The following TNIK variants were observed in gnomAD, a reference collection of about 807,000 sequenced individuals.
TNIK encodes the protein TRAF2 and NCK-interacting protein kinase.
A neutral mutation model predicts 191.3 loss-of-function variants in TNIK; 49 were observed. The observed-to-expected ratio is 0.26, with a 90% confidence interval of 0.20 to 0.32. The LOEUF is 0.32. Among genes scored for constraint, TNIK ranks in the 10% least tolerant of loss-of-function variants. TNIK has a pLI of 1.00. For missense variants in TNIK, 1,155 were observed against 1,702.3 expected (o/e 0.68, Z 5.66); for synonymous variants, 594 against 600.9 (o/e 0.99, Z 0.17).
intron 8 of TNIK, among the ~76,000 whole-genome samples, chr3:171,175,954 G>T (rs995319788): frequency 2.0e-5 from 3 of 152,118 alleles, no homozygotes; most frequent in Admixed American, 2.0e-4. Flanking sequence ...ACAGAGTCTG[G>T]CAGAAAAACA....
chr3:171,230,583 C>G (rs1044848786), intron 2 of TNIK, among the ~76,000 whole-genome samples: 1 of 152,060 alleles, frequency 6.6e-6, no homozygotes, highest in African/African-American at 2.4e-5. Flanking sequence ...AAACTGTTTG[C>G]GCTTCTGTAA....
At position 171,097,790 on chromosome 3, in the gene TNIK, A is replaced by G. The variant is rs939009137; in HGVS notation, c.2591+3659T>C. Among the ~76,000 whole-genome samples, 7 of 152,324 alleles carry G rather than the reference A, an allele frequency of 4.6e-5. No homozygotes were observed. In the South Asian group the frequency reaches 1.2e-3, roughly 27 times the overall value. On this transcript the variant is annotated intron_variant, in intron 22 of 32. Coordinates refer to ENST00000436636, the MANE Select transcript of TNIK (RefSeq NM_015028.4). ...CAGTACGAAAATGGACTAATACAGT[A>G]GTTGATGGCAGAAGCCAGGTTTCTG...
intron 12 of TNIK, among the ~76,000 whole-genome samples, chr3:171,148,025 T>C (rs1228073540): frequency 6.6e-6 from 1 of 151,764 alleles, no homozygotes; most frequent in Non-Finnish European, 1.5e-5. Flanking sequence ...TTCTCAGAAA[T>C]AGTAATCAGA....
At chr3:171,130,583 A>G (rs1389735458) in intron 15 of TNIK, among the ~76,000 whole-genome samples, 1 of 152,244 alleles carries the variant, frequency 6.6e-6, no homozygotes, top group Non-Finnish European at 1.5e-5. Context: ...ACAAAGAAGA[A>G]AAAGTCCCAC....
At chr3:171,178,438 C>T (rs985725591) in intron 7 of TNIK, among the ~76,000 whole-genome samples, 26 of 150,284 alleles carry the variant, frequency 1.7e-4, no homozygotes, top group Non-Finnish European at 2.5e-4. Flanking sequence ...TAGTATGTAA[C>T]AATAGAGGCC....
At chr3:171,383,420 C>T (rs556748976) in intron 1 of TNIK, among the ~76,000 whole-genome samples, 5 of 152,264 alleles carry the variant, frequency 3.3e-5, no homozygotes, top group East Asian at 1.9e-4. Context: ...AATTGGGCAA[C>T]GTTCTCTGAC....
intron 9 of TNIK, among the ~76,000 whole-genome samples, chr3:171,173,630 A>C (rs1735610676): frequency 6.6e-6 from 1 of 152,164 alleles, no homozygotes; most frequent in South Asian, 2.1e-4. Flanking sequence ...GCCAATTAAT[A>C]CACATATTTT....
chr3:171,427,222 C>T (rs1724760480), intron 1 of TNIK, among the ~76,000 whole-genome samples: 1 of 152,126 alleles, frequency 6.6e-6, no homozygotes, highest in Non-Finnish European at 1.5e-5. Flanking sequence ...CCAGTCAGCT[C>T]CTCTCCATCT....
intron 1 of TNIK, among the ~76,000 whole-genome samples, chr3:171,390,420 A>G (rs186405341): frequency 9.8e-4 from 150 of 152,342 alleles, no homozygotes; most frequent in South Asian, 1.9e-3. Flanking sequence ...CTCTGGTTGC[A>G]GTAACCACCT....
At chr3:171,067,569 C>T (rs1718612381) in intron 30 of TNIK, among the ~76,000 whole-genome samples, 1 of 150,864 alleles carries the variant, frequency 6.6e-6, no homozygotes, top group Non-Finnish European at 1.5e-5. Flanking sequence ...ACTCGGGAGG[C>T]TGAGGCAGGA....
intron 22 of TNIK, among the ~76,000 whole-genome samples, chr3:171,094,980 C>G (rs1260847143): frequency 6.6e-6 from 1 of 152,146 alleles, no homozygotes; most frequent in African/African-American, 2.4e-5. Flanking sequence ...TTATTAGATC[C>G]ATGGGCTTTA....
chr3:171,238,451 C>G (rs901699095), intron 2 of TNIK, among the ~76,000 whole-genome samples: 1 of 151,836 alleles, frequency 6.6e-6, no homozygotes, highest in Non-Finnish European at 1.5e-5. Context: ...CCCTCTCAAA[C>G]CCTTTAAAAC....
chr3:171,370,426 A>G (rs1716330431), intron 1 of TNIK, among the ~76,000 whole-genome samples: 1 of 152,238 alleles, frequency 6.6e-6, no homozygotes, highest in South Asian at 2.1e-4. Context: ...ATCCAAAATT[A>G]CTGCTATTAT....
At chr3:171,281,035 G>A (rs1750364546) in intron 2 of TNIK, among the ~76,000 whole-genome samples, 1 of 152,092 alleles carries the variant, frequency 6.6e-6, no homozygotes, top group African/African-American at 2.4e-5. Flanking sequence ...AGAAGCTAAG[G>A]AATAATCATG....
chr3:171,459,919 TGCCCCAGCCCCA>T, intron 1 of TNIK, 76 bp downstream of exon 1: 1 of 497,260 alleles, frequency 2.0e-6, no homozygotes, highest in Non-Finnish European at 3.9e-6. Context: ...GCTGTCCCCC[TGCCCCAGCCCCA>T]GCCCCCAGTC....
At chr3:171,376,739 A>AGATAGAT (rs1717277443) in intron 1 of TNIK, among the ~76,000 whole-genome samples, 1 of 146,014 alleles carries the variant, frequency 6.8e-6, no homozygotes, top group South Asian at 2.2e-4. Context: ...ACAGATAGAT[A>AGATAGAT]GATAGATGAT....
chr3:171,430,434 G>A (rs749779740), intron 1 of TNIK, among the ~76,000 whole-genome samples: 36 of 151,890 alleles, frequency 2.4e-4, no homozygotes, highest in Admixed American at 7.2e-4. Flanking sequence ...GAGGCCAGGA[G>A]TTTGAGACCA....
intron 10 of TNIK, among the ~76,000 whole-genome samples, chr3:171,166,234 A>G (rs917729135): frequency 2.0e-5 from 3 of 152,174 alleles, no homozygotes; most frequent in African/African-American, 7.2e-5. Flanking sequence ...CCTAATGAAA[A>G]TTCTCTTCAC....
At chr3:171,295,434 A>G (rs1177238483) in intron 2 of TNIK, among the ~76,000 whole-genome samples, 1 of 152,084 alleles carries the variant, frequency 6.6e-6, no homozygotes, top group Non-Finnish European at 1.5e-5. Context: ...TGTTCTATCC[A>G]TTTCAGTAGA....
Sources: gnomAD v4.1 joint callset for allele counts (sites outside exome capture counted in the v4.1 genomes callset) on GRCh38, gnomAD v4.1.1 for gene constraint, MANE v1.5 for transcripts, NCBI Gene and HGNC (gene_info 2026-07-23, HGNC 2026-07-21) for gene names.